The following ATP6V0A4 variants were observed in gnomAD, a reference collection of about 807,000 sequenced individuals.
ATP6V0A4 encodes ATPase H+ transporting V0 subunit a4.
ATP6V0A4 carries 86 observed loss-of-function variants against 107.3 expected under a neutral mutation model. The observed-to-expected ratio is 0.80, with a 90% CI of 0.67 to 0.96. ATP6V0A4 has a LOEUF of 0.96. ATP6V0A4 is among the 40% of genes least tolerant of loss of function. ATP6V0A4 has a pLI of 0.00. For missense variants in ATP6V0A4, 908 were observed against 1,045.6 expected (o/e 0.87, Z 1.81); for synonymous variants, 353 against 381.4 (o/e 0.93, Z 0.87).
Position 138,756,440 on chromosome 7 carries a change from C to T in ATP6V0A4, c.722+18G>A, listed in dbSNP as rs751200539. 4 of 1,613,628 alleles carry T rather than the reference C, an allele frequency of 2.5e-6. No individual in the cohort carries two copies. The South Asian group carries it at 4.4e-5, about 18-fold the overall frequency. On this transcript the variant is annotated intron_variant, in intron 9 of 21. Coordinates refer to ENST00000310018, the MANE Select transcript of ATP6V0A4 (RefSeq NM_020632.3). ...CTGGCCCAAATCACTGAAGAAAGAG[C>T]CATTCACTCCCTCTTACCCATCACA...
At chr7:138,743,302 A>G (rs1805730285) in intron 14 of ATP6V0A4, among the ~76,000 whole-genome samples, 1 of 151,994 alleles carries the variant, frequency 6.6e-6, no homozygotes, top group Non-Finnish European at 1.5e-5. Context: ...TCCTAAAAAT[A>G]CAAAACTTAG....
At chr7:138,763,196 C>G (rs1037695145) in intron 5 of ATP6V0A4, 171 bp from the exon 6 acceptor site, 15 of 352,936 alleles carry the variant, frequency 4.3e-5, no homozygotes, top group African/African-American at 2.2e-4. Context: ...GACACACACA[C>G]ACACACACAC....
intron 20 of ATP6V0A4, among the ~76,000 whole-genome samples, chr7:138,713,312 G>A (rs900112446): frequency 4.0e-5 from 6 of 150,886 alleles, no homozygotes; most frequent in South Asian, 2.1e-4. Flanking sequence ...TATGCTTATG[G>A]GTGTCTGTGC....
At chr7:138,791,486 C>T (rs1047349703) in intron 1 of ATP6V0A4, among the ~76,000 whole-genome samples, 1 of 152,058 alleles carries the variant, frequency 6.6e-6, no homozygotes, top group African/African-American at 2.4e-5. Context: ...TGCCTACAAA[C>T]TCCAAAGAGG....
At chr7:138,770,976 T>C (rs574343427) in intron 3 of ATP6V0A4, among the ~76,000 whole-genome samples, 155 bp downstream of exon 3, 1 of 152,252 alleles carries the variant, frequency 6.6e-6, no homozygotes, top group South Asian at 2.1e-4. Flanking sequence ...TGACAAATCC[T>C]AGCCAGAAGC....
At chr7:138,752,021 A>G (rs1806254155) in intron 11 of ATP6V0A4, among the ~76,000 whole-genome samples, 1 of 151,938 alleles carries the variant, frequency 6.6e-6, no homozygotes, top group Non-Finnish European at 1.5e-5. Context: ...CTTTAATAAG[A>G]AAAAAAAGAC....
chr7:138,781,146 A>G (rs1022367296), intron 2 of ATP6V0A4, among the ~76,000 whole-genome samples: 1 of 152,320 alleles, frequency 6.6e-6, no homozygotes, highest in East Asian at 1.9e-4. Context: ...ATTATGACAC[A>G]AGGCTAGAGA....
At chr7:138,795,654 G>T (rs753439664) in intron 1 of ATP6V0A4, among the ~76,000 whole-genome samples, 1 of 152,062 alleles carries the variant, frequency 6.6e-6, no homozygotes, top group Non-Finnish European at 1.5e-5. Flanking sequence ...TTGTTTGTTT[G>T]TTTGGGGACA....
At chr7:138,732,679 AG>A (rs1335639902) in intron 17 of ATP6V0A4, among the ~76,000 whole-genome samples, 197 bp downstream of exon 17, 2 of 152,150 alleles carry the variant, frequency 1.3e-5, no homozygotes, top group East Asian at 3.9e-4. Context: ...CTGTAGTCCC[AG>A]CCACTCAGGA....
intron 2 of ATP6V0A4, among the ~76,000 whole-genome samples, chr7:138,777,633 T>TACACACACACAC (rs1176566807): frequency 2.7e-4 from 29 of 106,376 alleles, no homozygotes; most frequent in African/African-American, 9.8e-4. Flanking sequence ...AAAAAAAAAA[T>TACACACACACAC]ACACACACAC....
chr7:138,733,141 C>T (rs559619145), intron 16 of ATP6V0A4, 48 bp from the exon 17 acceptor site: 105 of 1,610,834 alleles, frequency 6.5e-5, no homozygotes, highest in African/African-American at 3.9e-4. Flanking sequence ...ATCAAGGGAA[C>T]GTTAGGACTT....
chr7:138,718,043 A>AATGGAGAGG (rs71169047), intron 19 of ATP6V0A4, among the ~76,000 whole-genome samples: 1 of 84,292 alleles, frequency 1.2e-5, no homozygotes, highest in African/African-American at 4.3e-5. Context: ...TCCAGGAAGG[A>AATGGAGAGG]GTGGGGGGGT....
intron 17 of ATP6V0A4, among the ~76,000 whole-genome samples, chr7:138,730,473 C>T (rs1033589533): frequency 2.0e-5 from 3 of 151,720 alleles, no homozygotes; most frequent in Admixed American, 1.3e-4. Flanking sequence ...TGCATAACCC[C>T]GAAATGAGGT....
chr7:138,745,031 T>G lies in ATP6V0A4; in HGVS notation c.1478+92A>C, dbSNP rs1015841865. The G allele has an allele frequency of 1.4e-5, 17 of 1,180,614 alleles. No homozygotes were observed. In the African/African-American group the frequency reaches 2.4e-4, roughly 17 times the overall value. The allele number at this position is 1,180,614 out of a possible 1,614,324, so 73.1% of individuals were successfully genotyped here. ...TTGAATTTTCAAGTGCACCTCTGAGTAGACCTAGGTGTAGACTCCCCCAAC... is the reference window on the plus strand; with the variant it reads ...TTGAATTTTCAAGTGCACCTCTGAGGAGACCTAGGTGTAGACTCCCCCAAC... On this transcript the variant is annotated intron_variant, in intron 14 of 21. Transcript: ENST00000310018.
intron 1 of ATP6V0A4, among the ~76,000 whole-genome samples, chr7:138,794,402 T>C (rs1488651901): frequency 6.6e-6 from 1 of 152,158 alleles, no homozygotes; most frequent in Non-Finnish European, 1.5e-5. Flanking sequence ...TAACATGAAA[T>C]ATTCTTCCCT....
At chr7:138,737,579 CTTTTTTTTTTTT>C (rs373540257) in intron 15 of ATP6V0A4, among the ~76,000 whole-genome samples, 1 of 134,644 alleles carries the variant, frequency 7.4e-6, no homozygotes, top group Non-Finnish European at 1.6e-5. Context: ...TTTTCTTTTT[CTTTTTTTTTTTT>C]TTTTTTTTTG....
chr7:138,734,330 A>G, intron 15 of ATP6V0A4, 76 bp from the exon 16 acceptor site: 25 of 1,605,058 alleles, frequency 1.6e-5, no homozygotes, highest in Non-Finnish European at 2.0e-5. Context: ...GCTACAGCAC[A>G]ACTTTCCCTA....
chr7:138,778,290 C>CGCTTGAACCCAGGAG (rs201571105), intron 2 of ATP6V0A4, among the ~76,000 whole-genome samples: 107,138 of 150,978 alleles, frequency 0.71, 38,345 homozygotes, highest in Middle Eastern at 0.8. Flanking sequence ...GCAGGAGAAT[C>CGCTTGAACCCAGGAG]GCAAAGGTTG....
At chr7:138,709,896 T>C in intron 20 of ATP6V0A4, 101 bp from the exon 21 acceptor site, 1 of 1,315,530 alleles carries the variant, frequency 7.6e-7, no homozygotes, top group Non-Finnish European at 1.0e-6. Context: ...ATATTTTAAA[T>C]AGAGACAGGG....
Sources: allele counts gnomAD v4.1 joint callset (sites outside exome capture counted in the v4.1 genomes callset), GRCh38; gene constraint gnomAD v4.1.1; transcripts MANE v1.5; gene names NCBI Gene and HGNC (gene_info 2026-07-23, HGNC 2026-07-21).